ELMO1: variants seen among roughly 807,000 people sequenced by gnomAD.
ELMO1 encodes engulfment and cell motility protein 1.
A neutral mutation model predicts 98.9 loss-of-function variants in ELMO1; 26 were observed. The ratio of observed to expected loss-of-function variants is 0.26; its 90% confidence interval spans 0.19 to 0.36. The LOEUF (loss-of-function observed/expected upper bound fraction) is 0.36, where lower values mean the gene tolerates loss of function less well. ELMO1 is among the 10% of genes least tolerant of loss of function. ELMO1 has a pLI of 1.00. For missense variants in ELMO1, 627 were observed against 935.2 expected (o/e 0.67, Z 4.30); for synonymous variants, 346 against 346.0 (o/e 1.00, Z 0.00).
intron 15 of ELMO1, among the ~76,000 whole-genome samples, chr7:37,094,038 C>A (rs1405808705): frequency 6.6e-6 from 1 of 152,194 alleles, no homozygotes; most frequent in Non-Finnish European, 1.5e-5. Flanking sequence ...TTCTGAACTC[C>A]TTCGGGGACA....
chr7:36,921,980 C>G (rs1785185465), intron 16 of ELMO1, among the ~76,000 whole-genome samples: 1 of 152,150 alleles, frequency 6.6e-6, no homozygotes, highest in African/African-American at 2.4e-5. Flanking sequence ...CCCCATCAAA[C>G]TCTTGAAATT....
At chr7:37,083,772 A>T (rs951424096) in intron 15 of ELMO1, among the ~76,000 whole-genome samples, 2 of 152,182 alleles carry the variant, frequency 1.3e-5, no homozygotes, top group African/African-American at 4.8e-5. Context: ...TGCCCCTGAT[A>T]GCCTGGCTTC....
intron 16 of ELMO1, among the ~76,000 whole-genome samples, chr7:36,911,952 C>T (rs1292423458): frequency 6.6e-6 from 1 of 152,168 alleles, no homozygotes; most frequent in East Asian, 1.9e-4. Context: ...TACAGCAGCT[C>T]GGCTCATCAC....
chr7:37,416,010 A>G (rs1180146126), intron 1 of ELMO1, among the ~76,000 whole-genome samples: 1 of 152,272 alleles, frequency 6.6e-6, no homozygotes, highest in Non-Finnish European at 1.5e-5. Context: ...CCTAAAAACC[A>G]GCATTTCAGA....
At chr7:37,144,925 A>G (rs1469987659) in intron 13 of ELMO1, among the ~76,000 whole-genome samples, 1 of 152,206 alleles carries the variant, frequency 6.6e-6, no homozygotes, top group African/African-American at 2.4e-5. Context: ...CTAAGACAGA[A>G]AATCTCTAAA....
intron 1 of ELMO1, among the ~76,000 whole-genome samples, chr7:37,439,915 A>G (rs1805322021): frequency 6.6e-6 from 1 of 152,224 alleles, no homozygotes; most frequent in South Asian, 2.1e-4. Flanking sequence ...TGGAGAAAAC[A>G]GGATTTAGCA....
intron 6 of ELMO1, among the ~76,000 whole-genome samples, chr7:37,255,325 C>T (rs1176430412): frequency 2.0e-5 from 3 of 152,176 alleles, no homozygotes; most frequent in Non-Finnish European, 2.9e-5. Context: ...AGAAGGCAGC[C>T]ATCCACTATC....
At chr7:36,979,969 G>C (rs1211281767) in intron 16 of ELMO1, among the ~76,000 whole-genome samples, 1 of 152,162 alleles carries the variant, frequency 6.6e-6, no homozygotes, top group Admixed American at 6.5e-5. Flanking sequence ...AACCAAGTTG[G>C]AAAGAAACTT....
At chr7:37,351,662 C>T (rs1882079) in intron 1 of ELMO1, among the ~76,000 whole-genome samples, 83,417 of 152,056 alleles carry the variant, frequency 0.55, 23,009 homozygotes, top group East Asian at 0.68. Flanking sequence ...TTCCTCATTA[C>T]GCTAAATCAG....
chr7:37,434,467 A>G (rs1805061500), intron 1 of ELMO1, among the ~76,000 whole-genome samples: 1 of 152,236 alleles, frequency 6.6e-6, no homozygotes, highest in Non-Finnish European at 1.5e-5. Context: ...TAAAGAAGAC[A>G]CTAGTGGCTA....
chr7:37,138,291 G>T (rs1207844035), intron 13 of ELMO1, among the ~76,000 whole-genome samples: 3 of 47,408 alleles, frequency 6.3e-5, no homozygotes, highest in Non-Finnish European at 1.1e-4. Flanking sequence ...CTGGTTCTTT[G>T]AAAAGATAAA....
intron 4 of ELMO1, among the ~76,000 whole-genome samples, chr7:37,310,395 A>G (rs1798830248): frequency 6.6e-6 from 1 of 152,030 alleles, no homozygotes; most frequent in African/African-American, 2.4e-5. Flanking sequence ...CATGCTTAGG[A>G]TTAGGGATGA....
chr7:37,068,810 C>T (rs1797118832), intron 15 of ELMO1, among the ~76,000 whole-genome samples: 1 of 152,064 alleles, frequency 6.6e-6, no homozygotes, highest in African/African-American at 2.4e-5. Flanking sequence ...GTCTGGGCCC[C>T]ACAAGCAAAC....
intron 1 of ELMO1, among the ~76,000 whole-genome samples, chr7:37,423,282 A>C (rs1804558703): frequency 6.6e-6 from 1 of 152,208 alleles, no homozygotes; most frequent in African/African-American, 2.4e-5. Context: ...TCTGAGGCTA[A>C]ATAAAACTCA....
chr7:36,925,414 TG>T (rs2129078710), intron 16 of ELMO1, among the ~76,000 whole-genome samples: 1 of 152,310 alleles, frequency 6.6e-6, no homozygotes, highest in South Asian at 2.1e-4. Context: ...TTGGCCTCTC[TG>T]GGCTGGCTGC....
chr7:36,957,592 C>T (rs1233998767), intron 16 of ELMO1, among the ~76,000 whole-genome samples: 3 of 152,200 alleles, frequency 2.0e-5, no homozygotes, highest in Admixed American at 6.5e-5. Context: ...TTATAATCTC[C>T]TAAAGCAGCT....
chr7:37,069,784 G>A (rs1341628279), intron 15 of ELMO1, among the ~76,000 whole-genome samples: 1 of 152,018 alleles, frequency 6.6e-6, no homozygotes, highest in African/African-American at 2.4e-5. Context: ...ATTAAGAATT[G>A]GAAGAATTTT....
chr7:37,179,354 T>G (rs1006082833), intron 13 of ELMO1, among the ~76,000 whole-genome samples: 6 of 149,172 alleles, frequency 4.0e-5, no homozygotes, highest in Non-Finnish European at 5.9e-5. Flanking sequence ...CTTGGCTCAC[T>G]GCAACCTCCG....
intron 15 of ELMO1, among the ~76,000 whole-genome samples, chr7:37,018,622 G>C (rs1444070216): frequency 1.3e-5 from 2 of 151,954 alleles, no homozygotes; most frequent in African/African-American, 4.8e-5. Flanking sequence ...GACTACAGGT[G>C]CACGACACCA....
Sources: allele counts gnomAD v4.1 joint callset (sites outside exome capture counted in the v4.1 genomes callset), GRCh38; gene constraint gnomAD v4.1.1; transcripts MANE v1.5; gene names NCBI Gene and HGNC (gene_info 2026-07-23, HGNC 2026-07-21).